Variants in PDE9A observed in about 807,000 individuals in gnomAD.
PDE9A encodes the protein high affinity cGMP-specific 3',5'-cyclic phosphodiesterase 9A.
PDE9A carries 60 observed loss-of-function variants against 87.4 expected under a neutral mutation model. The observed-to-expected ratio is 0.69, with a 90% confidence interval of 0.56 to 0.85. The LOEUF is 0.85. PDE9A is among the 40% of genes least tolerant of loss of function. PDE9A has a pLI of 0.00. For missense variants in PDE9A, 665 were observed against 779.0 expected (o/e 0.85, Z 1.74); for synonymous variants, 272 against 279.4 (o/e 0.97, Z 0.27).
intron 4 of PDE9A, 36 bp downstream of exon 4, chr21:42,699,047 G>A: frequency 6.9e-7 from 1 of 1,451,594 alleles, no homozygotes; most frequent in Non-Finnish European, 9.7e-7. Flanking sequence ...ACTAAAAGAA[G>A]GAAAAAGAAA....
At chr21:42,682,153 C>G (rs1008731200) in intron 1 of PDE9A, among the ~76,000 whole-genome samples, 10 of 152,212 alleles carry the variant, frequency 6.6e-5, no homozygotes, top group Non-Finnish European at 1.5e-4. Context: ...CTAAAATGAC[C>G]GTGTGTCAAA....
rs1320391629 is a variant in PDE9A at position 42,705,080 on chromosome 21, A to G, written c.262+6069A>G. On this transcript the variant is annotated intron_variant, in intron 4 of 19. Coordinates refer to ENST00000291539, the MANE Select transcript of PDE9A (RefSeq NM_002606.3). The surrounding 1 kb of genome is among the most constrained non-coding windows in gnomAD (Gnocchi z 4.3). ...TGAACAGCTCCTGCCAGGAAAGAGC[A>G]TGGCACAGCCTCGTTCTCCAGCGTA... Among the ~76,000 whole-genome samples, 1 of 152,204 alleles carries G rather than the reference A, an allele frequency of 6.6e-6. No individual in the cohort carries two copies. The highest frequency in any genetic ancestry group is 1.5e-5 in the Non-Finnish European group (1 of 68,024).
rs1406237184 is a variant in PDE9A at position 42,740,787 on chromosome 21, A to G, written c.569-2989A>G. The stretch of plus-strand genomic sequence containing the variant: ...TAGATAGATAGATAGATAGATAGAT[A>G]GATAGATAGATAAACAGGATGAATA... On this transcript the variant is annotated intron_variant, in intron 7 of 19. Coordinates refer to ENST00000291539, the MANE Select transcript of PDE9A (RefSeq NM_002606.3). 2.6e-5 allele frequency among the ~76,000 whole-genome samples: 4 copies of G among 152,028 alleles called. No homozygotes were observed. In the East Asian group the frequency reaches 7.7e-4, roughly 29 times the overall value.
At chr21:42,761,946 CA>C (rs2055821888) in intron 13 of PDE9A, 136 bp from the exon 14 acceptor site, 2 of 809,758 alleles carry the variant, frequency 2.5e-6, no homozygotes, top group Admixed American at 5.2e-5. Flanking sequence ...CAGGCCAGGG[CA>C]CAGGCAGCTC....
chr21:42,704,064 C>T lies in PDE9A; in HGVS notation c.262+5053C>T, dbSNP rs1222269957. 1.3e-5 allele frequency among the ~76,000 whole-genome samples: 2 copies of T among 152,184 alleles called. No individual in the cohort carries two copies. The highest frequency in any genetic ancestry group is 2.4e-5 in the African/African-American group (1 of 41,434). On this transcript the variant is annotated intron_variant, in intron 4 of 19. Transcript: ENST00000291539. The surrounding 1 kb of genome is among the most constrained non-coding windows in gnomAD (Gnocchi z 5.3). ...GCTCCCGCCAGCCCTCACGGCAGCA[C>T]GAGGCTGGTACGAGACAGGTGCTTC...
chr21:42,700,319 AAAGTAC>A (rs775526449), intron 4 of PDE9A, among the ~76,000 whole-genome samples: 8 of 152,222 alleles, frequency 5.3e-5, no homozygotes, highest in Non-Finnish European at 1.2e-4. Flanking sequence ...TGTGAGCATT[AAAGTAC>A]AAGTATTGGT....
At chr21:42,664,799 C>G (rs891443810) in intron 1 of PDE9A, among the ~76,000 whole-genome samples, 3 of 152,196 alleles carry the variant, frequency 2.0e-5, no homozygotes, top group Admixed American at 2.0e-4. Context: ...GCCGGGTCGG[C>G]CTTGCGAGAG....
intron 2 of PDE9A, 135 bp downstream of exon 2, chr21:42,686,397 T>TC: frequency 1.5e-6 from 1 of 676,998 alleles, no homozygotes; most frequent in Non-Finnish European, 2.6e-6. Context: ...TCGAAATCAA[T>TC]CAATGCGCAG....
rs2060173643 is a variant in PDE9A at position 42,696,929 on chromosome 21, G to A, written c.219-2039G>A. ...GACTTTGCTCTGCACTTAGGGCCAC[G>A]CTTCAAGCCCAGTGCCTCTTATGAC... On this transcript the variant is annotated intron_variant, in intron 3 of 19. Transcript: ENST00000291539. The surrounding 1 kb of genome is among the most constrained non-coding windows in gnomAD (Gnocchi z 5.1). Among the ~76,000 whole-genome samples, 3 of 152,278 alleles carry A rather than the reference G, an allele frequency of 2.0e-5. No individual in the cohort carries two copies. The highest frequency in any genetic ancestry group is 1.9e-4 in the East Asian group (1 of 5,164).
intron 1 of PDE9A, among the ~76,000 whole-genome samples, chr21:42,680,859 A>G (rs2059132154): frequency 6.6e-6 from 1 of 152,314 alleles, no homozygotes; most frequent in South Asian, 2.1e-4. Context: ...CGTTCTTCCC[A>G]GCTCCGGAAA....
At position 42,759,186 on chromosome 21, in the gene PDE9A, C is replaced by A; in HGVS notation, c.897+101C>A. ...TCACCAGGGCACCTTCCGGATGGCA[C>A]TGCGCTCCCTGTGAGCAGAGGTGAC... is the stretch of plus-strand genomic sequence containing the variant. On this transcript the variant is annotated intron_variant, in intron 11 of 19. Coordinates refer to ENST00000291539, the MANE Select transcript of PDE9A (RefSeq NM_002606.3). This position sits in a 1 kb window ranked among gnomAD's most constrained non-coding sequence, Gnocchi z 7.2. The A allele has an allele frequency of 1.3e-6, 1 of 780,436 alleles. No individual in the cohort carries two copies. The allele number at this position is 780,436 out of a possible 1,614,324, so 48.3% of individuals were successfully genotyped here.
rs1200662029 is a variant in PDE9A at position 42,772,474 on chromosome 21, C to T, written c.1722C>T (p.Ala574=). The T allele has an allele frequency of 5.0e-6, 8 of 1,610,414 alleles. No individual in the cohort carries two copies. Among genetic ancestry groups the T allele is most frequent in the Non-Finnish European group, 6.8e-6 (8 of 1,178,736 alleles). ...AGACTGACAGCTTGACGTCTGGGGCCACCGAGAAGTCCAGAGAGAGAAGCA... is the reference window on the plus strand; with the variant it reads ...AGACTGACAGCTTGACGTCTGGGGCTACCGAGAAGTCCAGAGAGAGAAGCA... ...QKKTDSLTSG[A]TEKSRERSRD... is the part of the protein sequence containing the mutation. Residue 574 remains alanine, a synonymous_variant, in exon 19 of 20, where the codon GCC becomes GCT. Coordinates refer to ENST00000291539, the MANE Select transcript of PDE9A (RefSeq NM_002606.3).
At chr21:42,690,001 C>T in intron 3 of PDE9A, 6 of 985,248 alleles carry the variant, frequency 6.1e-6, no homozygotes, top group Non-Finnish European at 7.2e-6. Context: ...GAGACACACG[C>T]GGATGAGGAT....
intron 4 of PDE9A, among the ~76,000 whole-genome samples, chr21:42,720,648 G>T (rs373344903): frequency 6.6e-6 from 1 of 152,186 alleles, no homozygotes; most frequent in Non-Finnish European, 1.5e-5. Flanking sequence ...AGTAGGGCAG[G>T]TCGGGCTTGA....
At chr21:42,747,752 T>C (rs1291989984) in intron 8 of PDE9A, among the ~76,000 whole-genome samples, 1 of 152,146 alleles carries the variant, frequency 6.6e-6, no homozygotes, top group Non-Finnish European at 1.5e-5. Flanking sequence ...GAGCATGGAA[T>C]ATGGGGTTCA....
rs555530566 is a variant in PDE9A at position 42,712,204 on chromosome 21, C to T, written c.262+13193C>T. Among the ~76,000 whole-genome samples, 4 of 152,254 alleles carry T rather than the reference C, an allele frequency of 2.6e-5. No homozygotes were observed. The East Asian group carries it at 7.7e-4, about 29-fold the overall frequency. On this transcript the variant is annotated intron_variant, in intron 4 of 19. Coordinates refer to ENST00000291539, the MANE Select transcript of PDE9A (RefSeq NM_002606.3). ...CTCCACTTATTTAGGTCTCATTTAA[C>T]TTCTCAAAAGGTTATGGCTTTCAAG...
At chr21:42,670,162 C>G (rs1436304565) in intron 1 of PDE9A, among the ~76,000 whole-genome samples, 2 of 150,680 alleles carry the variant, frequency 1.3e-5, no homozygotes, top group Admixed American at 1.3e-4. Context: ...CACACGCACA[C>G]ACATTCACAC....
chr21:42,765,268 G>T, intron 14 of PDE9A, 113 bp from the exon 15 acceptor site: 1 of 619,162 alleles, frequency 1.6e-6, no homozygotes, highest in Non-Finnish European at 2.9e-6. Flanking sequence ...CATATGAATC[G>T]GAATAAGAGA....
chr21:42,737,538 C>T lies in PDE9A; in HGVS notation c.568+4112C>T, dbSNP rs546897575. Reference sequence around the variant, plus strand: ...GAAGTGGCGTGATCTTGGCTCACTGCAACCTCTGCCCCCCGAAGACAGGAC... The same window carrying T: ...GAAGTGGCGTGATCTTGGCTCACTGTAACCTCTGCCCCCCGAAGACAGGAC... On this transcript the variant is annotated intron_variant, in intron 7 of 19. Transcript: ENST00000291539. 4.6e-5 allele frequency among the ~76,000 whole-genome samples: 7 copies of T among 152,312 alleles called. No individual in the cohort carries two copies. In the East Asian group the frequency reaches 1.3e-3, roughly 29 times the overall value.
Sources: gnomAD v4.1 joint callset for allele counts (sites outside exome capture counted in the v4.1 genomes callset) on GRCh38, gnomAD v4.1.1 for gene constraint, Gnocchi (gnomAD v3.1) non-coding constraint, MANE v1.5 for transcripts, NCBI Gene and HGNC (gene_info 2026-07-23, HGNC 2026-07-21) for gene names.